CLEC16A: variants seen among roughly 807,000 people sequenced by gnomAD.
The protein encoded by CLEC16A is protein CLEC16A.
A neutral mutation model predicts 109.5 loss-of-function variants in CLEC16A; 51 were observed. That is an observed-to-expected ratio of 0.47 (90% CI 0.37 to 0.59). The LOEUF (loss-of-function observed/expected upper bound fraction) is 0.59, where lower values mean the gene tolerates loss of function less well. CLEC16A is among the 20% of genes least tolerant of loss of function. The probability of loss-of-function intolerance (pLI) is 0.00; values close to 1 mark genes in which losing one functional copy is unlikely to be tolerated. For missense variants in CLEC16A, 1,339 were observed against 1,394.0 expected (o/e 0.96, Z 0.63); for synonymous variants, 673 against 564.2 (o/e 1.19, Z -2.73).
chr16:10,967,933 GA>G (rs56406954), intron 3 of CLEC16A, among the ~76,000 whole-genome samples: 27,694 of 152,258 alleles, frequency 0.18, 2,746 homozygotes, highest in South Asian at 0.3. Flanking sequence ...TGGAGATTCT[GA>G]CTCCGTGGCG....
intron 17 of CLEC16A, chr16:11,047,624 C>G (rs1235282592): frequency 1.1e-5 from 3 of 277,212 alleles, no homozygotes; most frequent in South Asian, 8.6e-5. Context: ...AGGACTTACT[C>G]TGTGCTGGAT....
intron 19 of CLEC16A, among the ~76,000 whole-genome samples, chr16:11,068,268 C>T (rs1195045284): frequency 6.6e-6 from 1 of 152,230 alleles, no homozygotes; most frequent in Non-Finnish European, 1.5e-5. Context: ...TTGCAAACAG[C>T]TGGTCCTCAG....
At chr16:10,989,885 A>C (rs2043898235) in intron 10 of CLEC16A, among the ~76,000 whole-genome samples, 1 of 152,182 alleles carries the variant, frequency 6.6e-6, no homozygotes, top group Non-Finnish European at 1.5e-5. Flanking sequence ...GGCTTTCTTT[A>C]CAACTCAAAC....
intron 15 of CLEC16A, among the ~76,000 whole-genome samples, chr16:11,042,875 A>G (rs2047418722): frequency 6.7e-6 from 1 of 149,888 alleles, no homozygotes; most frequent in South Asian, 2.1e-4. Flanking sequence ...ATATATGTAA[A>G]TAATATATTT....
At chr16:10,951,204 A>G (rs2041712606) in intron 1 of CLEC16A, among the ~76,000 whole-genome samples, 1 of 152,004 alleles carries the variant, frequency 6.6e-6, no homozygotes, top group African/African-American at 2.4e-5. Flanking sequence ...TCTGAAGCTC[A>G]TCTGTCGGTG....
At chr16:10,959,326 G>C (rs1465267254) in intron 2 of CLEC16A, among the ~76,000 whole-genome samples, 1 of 152,172 alleles carries the variant, frequency 6.6e-6, no homozygotes, top group Non-Finnish European at 1.5e-5. Context: ...CTCCAAAGCA[G>C]AACATGCGAG....
At position 11,178,337 on chromosome 16, in the gene CLEC16A, G is replaced by A; in HGVS notation, c.2809G>A (p.Ala937Thr). 1 of 1,602,026 alleles carries A rather than the reference G, an allele frequency of 6.2e-7. No homozygotes were observed. The highest frequency in any genetic ancestry group is 8.5e-7 in the Non-Finnish European group (1 of 1,170,826). ...TPSTAQSPADAPMSPELPKPH... is the reference protein window; with the variant it reads ...TPSTAQSPADTPMSPELPKPH... ...CCGGTTTTTCTCCCCCAATCCAGAT[G>A]CCCCCATGAGTCCAGAACTGCCTAA... The change falls in exon 24 of 24, where the codon GCC (alanine) becomes ACC (threonine). Residue 937 changes from alanine to threonine, a missense_variant and splice_region_variant. By Grantham distance (58) the Ala-to-Thr change is moderately conservative. Around this residue, in one of 3 missense-constraint regions of CLEC16A, gnomAD observed 1,061 missense variants for 1,006.8 expected, o/e 1.05. Transcript: ENST00000409790. The surrounding 1 kb of genome is among the most constrained non-coding windows in gnomAD (Gnocchi z 6.5).
Position 10,954,010 on chromosome 16 carries a change from G to T in CLEC16A, c.81-3772G>T, listed in dbSNP as rs2041865643. 6.6e-6 allele frequency among the ~76,000 whole-genome samples: 1 copy of T among 151,610 alleles called. No individual in the cohort carries two copies. The highest frequency in any genetic ancestry group is 2.4e-5 in the African/African-American group (1 of 41,316). On this transcript the variant is annotated intron_variant, in intron 1 of 23. Coordinates refer to ENST00000409790, the MANE Select transcript of CLEC16A (RefSeq NM_015226.3). The surrounding 1 kb of genome is among the most constrained non-coding windows in gnomAD (Gnocchi z 4.2). ...AAAAATGGGCAAAAGACTTGCACAG[G>T]CACCTCACAAAAGAAGATATTCAAA...
intron 22 of CLEC16A, among the ~76,000 whole-genome samples, chr16:11,140,025 C>G (rs968836520): frequency 1.3e-5 from 2 of 152,250 alleles, no homozygotes; most frequent in Admixed American, 1.3e-4. Context: ...TGCCCGGAGT[C>G]TCAAAGTTCA....
At chr16:11,142,032 G>A (rs748046460) in intron 22 of CLEC16A, among the ~76,000 whole-genome samples, 1 of 152,166 alleles carries the variant, frequency 6.6e-6, no homozygotes, top group Non-Finnish European at 1.5e-5. Flanking sequence ...AGAGCATTCT[G>A]TGAGACTCAT....
chr16:11,061,727 G>C (rs1003054415), intron 19 of CLEC16A, among the ~76,000 whole-genome samples: 1 of 152,198 alleles, frequency 6.6e-6, no homozygotes, highest in Admixed American at 6.5e-5. Context: ...TTGGTTATAA[G>C]AGACAGAAAA....
At chr16:11,093,148 A>G (rs1240480572) in intron 19 of CLEC16A, among the ~76,000 whole-genome samples, 1 of 152,152 alleles carries the variant, frequency 6.6e-6, no homozygotes, top group Non-Finnish European at 1.5e-5. Flanking sequence ...CTTTTGGGGC[A>G]TCACATGGTG....
chr16:11,129,863 C>T (rs2053081620), intron 22 of CLEC16A, among the ~76,000 whole-genome samples: 1 of 151,588 alleles, frequency 6.6e-6, no homozygotes, highest in Non-Finnish European at 1.5e-5. Context: ...CCCGGGTTCA[C>T]ACCATTCTCC....
intron 2 of CLEC16A, among the ~76,000 whole-genome samples, chr16:10,959,764 C>G (rs2042169059): frequency 6.6e-6 from 1 of 151,694 alleles, no homozygotes; most frequent in Non-Finnish European, 1.5e-5. Context: ...AACTGTGTCC[C>G]CCTTGACTAG....
intron 4 of CLEC16A, among the ~76,000 whole-genome samples, chr16:10,969,747 C>T (rs1220849527): frequency 6.6e-6 from 1 of 152,156 alleles, no homozygotes; most frequent in East Asian, 1.9e-4. Context: ...AAGTGTTGCC[C>T]TGTGGGAAAA....
At position 11,174,408 on chromosome 16, in the gene CLEC16A, A is replaced by G. The variant is rs1369814273; in HGVS notation, c.2807-3927A>G. 1 of 353,832 alleles carries G rather than the reference A, an allele frequency of 2.8e-6. No homozygotes were observed. The highest frequency in any genetic ancestry group is 5.7e-6 in the Non-Finnish European group (1 of 175,486). The allele number at this position is 353,832 out of a possible 1,614,324, so 21.9% of individuals were successfully genotyped here. A position where few individuals can be genotyped will look rare whatever the true frequency, so the allele number is the denominator to read the frequency against. ...GCACAGAGCCATTTGCCAAGGCGGC[A>G]CTTCCCCATTTTCCCCCAAAGTTGG... On this transcript the variant is annotated intron_variant, in intron 23 of 23. Coordinates refer to ENST00000409790, the MANE Select transcript of CLEC16A (RefSeq NM_015226.3). The surrounding 1 kb of genome is among the most constrained non-coding windows in gnomAD (Gnocchi z 4.7).
intron 1 of CLEC16A, among the ~76,000 whole-genome samples, chr16:10,952,683 C>A (rs747303767): frequency 1.3e-5 from 2 of 152,152 alleles, no homozygotes; most frequent in Non-Finnish European, 2.9e-5. Flanking sequence ...CTGTGTAAAA[C>A]GGTGTGCCAG....
intron 19 of CLEC16A, among the ~76,000 whole-genome samples, chr16:11,096,390 T>C (rs1258718019): frequency 1.3e-5 from 2 of 152,046 alleles, no homozygotes; most frequent in Non-Finnish European, 2.9e-5. Context: ...ACCCTCCTCA[T>C]CCCACTTCCC....
At chr16:11,060,792 G>T (rs1217261158) in intron 18 of CLEC16A, 110 bp from the exon 19 acceptor site, 45 of 1,187,150 alleles carry the variant, frequency 3.8e-5, no homozygotes, top group Non-Finnish European at 4.7e-5. Context: ...GCTTTATTGC[G>T]TTTCTTTCTT....
Sources: gnomAD v4.1 joint callset for allele counts (sites outside exome capture counted in the v4.1 genomes callset) on GRCh38, gnomAD v4.1.1 for gene constraint, gnomAD v4.1.1 regional missense constraint, Gnocchi (gnomAD v3.1) non-coding constraint, MANE v1.5 for transcripts, NCBI Gene and HGNC (gene_info 2026-07-23, HGNC 2026-07-21) for gene names.